RARA: variants seen among roughly 807,000 people sequenced by gnomAD.
RARA encodes the protein retinoic acid receptor alpha, also known as PML-DDX5-RARA fusion.
A neutral mutation model predicts 42.8 loss-of-function variants in RARA; 5 were observed. The observed-to-expected ratio is 0.12, with a 90% CI of 0.06 to 0.25. RARA has a LOEUF of 0.25. Ranked by LOEUF, RARA falls within the 10% of genes least tolerant of loss-of-function variation. The pLI is 1.00. For missense variants in RARA, 402 were observed against 628.7 expected, an observed-to-expected ratio of 0.64 and a Z score of 3.86; for synonymous variants, 256 against 259.5, an observed-to-expected ratio of 0.99 and a Z score of 0.13.
At chr17:40,315,161 T>TAC (rs1481244469) in intron 1 of RARA, among the ~76,000 whole-genome samples, 3 of 125,192 alleles carry the variant, frequency 2.4e-5, no homozygotes, top group African/African-American at 1.1e-4. Context: ...TATATATATA[T>TAC]ATATATATAT....
intron 2 of RARA, among the ~76,000 whole-genome samples, chr17:40,332,143 G>A (rs1332725448): frequency 6.6e-6 from 1 of 152,320 alleles, no homozygotes; most frequent in Non-Finnish European, 1.5e-5. Context: ...GGTAGTGGGA[G>A]GTGGCGGCAG....
chr17:40,311,642 C>T (rs1242485894), intron 1 of RARA, among the ~76,000 whole-genome samples: 2 of 152,204 alleles, frequency 1.3e-5, no homozygotes, highest in Admixed American at 6.5e-5. Flanking sequence ...CTGTTTCCTC[C>T]CCTCCAAGAT....
chr17:40,357,530 G>A lies in RARA; in HGVS notation c.*1304G>A, dbSNP rs944072489. 4 of 220,196 alleles carry A rather than the reference G, an allele frequency of 1.8e-5. No homozygotes were observed. The highest frequency in any genetic ancestry group is 2.7e-5 in the Non-Finnish European group (3 of 111,434). 13.6% of individuals were successfully genotyped at this position (220,196 alleles called of 1,614,324 possible). On this transcript the variant is annotated 3_prime_UTR_variant, in exon 9 of 9. Coordinates refer to ENST00000254066, the MANE Select transcript of RARA (RefSeq NM_000964.4). ...CAGCTGGGGGAGCTGGCTCTGCCCC[G>A]ACCTCCTTCACCAGGGGTTGGGGCC...
intron 1 of RARA, among the ~76,000 whole-genome samples, chr17:40,314,747 T>C (rs1289189838): frequency 6.6e-6 from 1 of 151,494 alleles, no homozygotes; most frequent in Non-Finnish European, 1.5e-5. Context: ...ACTTCTGTCC[T>C]GGGGCTGGCA....
chr17:40,310,677 T>C (rs1242197415), intron 1 of RARA, among the ~76,000 whole-genome samples: 3 of 152,132 alleles, frequency 2.0e-5, no homozygotes, highest in Non-Finnish European at 4.4e-5. Context: ...ACTGGAGACT[T>C]AGACTGGTTA....
chr17:40,350,098 C>T (rs891556989), intron 4 of RARA, 173 bp downstream of exon 4: 27 of 1,024,998 alleles, frequency 2.6e-5, no homozygotes, highest in African/African-American at 1.9e-4. Flanking sequence ...GACCTGTTTG[C>T]GAGTCTGGCT....
At position 40,357,135 on chromosome 17, in the gene RARA, A is replaced by T. The variant is rs2034660286; in HGVS notation, c.*909A>T. Reference sequence around the variant, plus strand: ...CTGCACCCACCATGAGGCATGGAGCAGGGCAGAGCAAGGGCCCCGGGACAG... The same window carrying T: ...CTGCACCCACCATGAGGCATGGAGCTGGGCAGAGCAAGGGCCCCGGGACAG... On this transcript the variant is annotated 3_prime_UTR_variant, in exon 9 of 9. Coordinates refer to ENST00000254066, the MANE Select transcript of RARA (RefSeq NM_000964.4). The T allele has an allele frequency of 4.0e-6, 1 of 251,436 alleles. No individual in the cohort carries two copies. Among genetic ancestry groups the T allele is most frequent in the Non-Finnish European group, 7.8e-6 (1 of 128,674 alleles). The allele number at this position is 251,436 out of a possible 1,614,324, so 15.6% of individuals were successfully genotyped here.
chr17:40,334,026 G>A lies in RARA; in HGVS notation c.178+2630G>A, dbSNP rs545538829. 8.5e-5 allele frequency among the ~76,000 whole-genome samples: 13 copies of A among 152,334 alleles called. No homozygotes were observed. The South Asian group carries it at 2.7e-3, about 32-fold the overall frequency. On this transcript the variant is annotated intron_variant, in intron 2 of 8. Coordinates refer to ENST00000254066, the MANE Select transcript of RARA (RefSeq NM_000964.4). ...TCCTAACCCAGGTGATGGCAACAGA[G>A]TTCCCAGACACTCTGTCCATCTGGA...
At chr17:40,331,462 G>A (rs1426813307) in intron 2 of RARA, 66 bp downstream of exon 2, 3 of 1,530,034 alleles carry the variant, frequency 2.0e-6, no homozygotes, top group East Asian at 4.7e-5. Flanking sequence ...CAGAGCTTGG[G>A]CTCTGGGCAC....
intron 1 of RARA, among the ~76,000 whole-genome samples, chr17:40,316,011 T>G (rs2033206777): frequency 6.6e-6 from 1 of 152,202 alleles, no homozygotes; most frequent in Admixed American, 6.5e-5. Context: ...GAAGCCCTGT[T>G]ATGAGCCCAG....
At chr17:40,342,896 G>C (rs1273234661) in intron 2 of RARA, 3 of 1,598,388 alleles carry the variant, frequency 1.9e-6, no homozygotes, top group Non-Finnish European at 2.6e-6. Context: ...GTCTGCTGTT[G>C]TAGGGGGTGG....
chr17:40,348,595 C>T (rs1425577102), intron 3 of RARA, 131 bp downstream of exon 3: 7 of 1,250,600 alleles, frequency 5.6e-6, no homozygotes, highest in Non-Finnish European at 5.3e-6. Context: ...TGGAAGTTGG[C>T]AGCAAGCAGG....
rs899025600 is a variant in RARA, at chr17:40,355,359, G to A, written c.1109G>A (p.Arg370His). 17 of 1,613,706 alleles carry A rather than the reference G, an allele frequency of 1.1e-5. No individual in the cohort carries two copies. In the East Asian group the frequency reaches 1.6e-4, roughly 15 times the overall value. The change falls in exon 8 of 9, where the codon CGC (arginine) becomes CAC (histidine). Residue 370 changes from arginine to histidine, a missense_variant. Physicochemically the swap from Arg to His is conservative, Grantham distance 29 (BLOSUM62 0). Around this residue, in one of 5 missense-constraint regions of RARA, gnomAD observed 104 missense variants for 160.1 expected, o/e 0.65. Transcript: ENST00000254066. This position sits in a 1 kb window ranked among gnomAD's most constrained non-coding sequence, Gnocchi z 4.1. ...KVYVRKRRPSRPHMFPKMLMK... is the reference protein window; with the variant it reads ...KVYVRKRRPSHPHMFPKMLMK... ...TACGTGCGGAAGCGGAGGCCCAGCC[G>A]CCCCCACATGTTCCCCAAGATGCTA...
chr17:40,335,042 G>C (rs2033805501), intron 2 of RARA, among the ~76,000 whole-genome samples: 3 of 152,118 alleles, frequency 2.0e-5, no homozygotes, highest in Admixed American at 2.0e-4. Context: ...GTGCACTACG[G>C]GTCAGGGCTG....
Position 40,355,822 on chromosome 17 carries a change from T to A in RARA, c.1172-187T>A, listed in dbSNP as rs182289546. Among the ~76,000 whole-genome samples the A allele has an allele frequency of 6.6e-6, 1 of 152,342 alleles. No individual in the cohort carries two copies. The highest frequency in any genetic ancestry group is 1.9e-4 in the East Asian group (1 of 5,184). ...CCCTGGAGCCGGAGTTCGGGACCAC[T>A]TTGCCCCATTGCCACCAGCCTCTGG... is the stretch of plus-strand genomic sequence containing the variant. On this transcript the variant is annotated intron_variant, in intron 8 of 8. Coordinates refer to ENST00000254066, the MANE Select transcript of RARA (RefSeq NM_000964.4). This position sits in a 1 kb window ranked among gnomAD's most constrained non-coding sequence, Gnocchi z 4.1.
At chr17:40,321,204 G>C (rs959502402) in intron 1 of RARA, among the ~76,000 whole-genome samples, 11 of 152,080 alleles carry the variant, frequency 7.2e-5, no homozygotes, top group African/African-American at 2.7e-4. Flanking sequence ...CAGGGTGGGC[G>C]GCATGTGGGG....
At chr17:40,315,132 G>GTATATATATATATA (rs71356657) in intron 1 of RARA, among the ~76,000 whole-genome samples, 2 of 64,174 alleles carry the variant, frequency 3.1e-5, no homozygotes, top group Non-Finnish European at 2.7e-5. Context: ...GCTTATATGT[G>GTATATATATATATA]TATATATATA....
chr17:40,341,959 C>T (rs2034067187), intron 2 of RARA: 2 of 1,135,414 alleles, frequency 1.8e-6, no homozygotes, highest in Non-Finnish European at 2.2e-6. Context: ...TCCTGCTTCT[C>T]TCCTCTCCTC....
rs553314287 is a variant in RARA at position 40,313,686 on chromosome 17, A to G, written c.-363+4400A>G. 3.3e-5 allele frequency among the ~76,000 whole-genome samples: 5 copies of G among 152,162 alleles called. No individual in the cohort carries two copies. In the East Asian group the frequency reaches 9.7e-4, roughly 29 times the overall value. ...AACACCCTCTCCCCTACCCTGCCTCATGCCACTCAACATCTCCTATTCCTC... is the reference window on the plus strand; with the variant it reads ...AACACCCTCTCCCCTACCCTGCCTCGTGCCACTCAACATCTCCTATTCCTC... On this transcript the variant is annotated intron_variant, in intron 1 of 8. Coordinates refer to ENST00000254066, the MANE Select transcript of RARA (RefSeq NM_000964.4).
Sources: allele counts gnomAD v4.1 joint callset (sites outside exome capture counted in the v4.1 genomes callset), GRCh38; gene constraint gnomAD v4.1.1; regional missense constraint gnomAD v4.1.1; non-coding constraint Gnocchi (gnomAD v3.1); transcripts MANE v1.5; gene names NCBI Gene and HGNC (gene_info 2026-07-23, HGNC 2026-07-21).